Variants in STK24 observed in about 807,000 individuals in gnomAD.
STK24 encodes the protein serine/threonine kinase 24.
In STK24, 21 loss-of-function variants were observed where a neutral mutation model predicts 55.6. The observed-to-expected ratio is 0.38, with a 90% CI of 0.27 to 0.54. The LOEUF (loss-of-function observed/expected upper bound fraction) is 0.54, where lower values mean the gene tolerates loss of function less well. STK24 is among the 20% of genes least tolerant of loss of function. STK24 has a pLI of 0.79. For missense variants in STK24, 383 were observed against 538.4 expected (o/e 0.71, Z 2.86); for synonymous variants, 200 against 215.2 (o/e 0.93, Z 0.62).
At chr13:98,556,777 C>T (rs1164959609) in intron 1 of STK24, among the ~76,000 whole-genome samples, 7 of 152,182 alleles carry the variant, frequency 4.6e-5, no homozygotes, top group Admixed American at 3.3e-4. Context: ...TTAAATTCTG[C>T]TATGCAACTC....
chr13:98,476,362 T>C (rs1226274953), intron 3 of STK24, among the ~76,000 whole-genome samples: 2 of 151,826 alleles, frequency 1.3e-5, no homozygotes, highest in Non-Finnish European at 2.9e-5. Context: ...AGGGCAGATG[T>C]CTAATCGATG....
chr13:98,483,589 G>A (rs764453182), intron 2 of STK24, among the ~76,000 whole-genome samples: 1 of 152,050 alleles, frequency 6.6e-6, no homozygotes, highest in Non-Finnish European at 1.5e-5. Context: ...TGGAGGTTCC[G>A]CAAGTCAGGA....
chr13:98,526,144 GCT>G (rs1164955620), intron 1 of STK24, among the ~76,000 whole-genome samples: 1 of 152,180 alleles, frequency 6.6e-6, no homozygotes, highest in African/African-American at 2.4e-5. Context: ...GTCCGTCTTT[GCT>G]TTTTCTGGTT....
chr13:98,463,670 G>A, intron 7 of STK24, 21 bp downstream of exon 7: 1 of 1,610,410 alleles, frequency 6.2e-7, no homozygotes, highest in African/African-American at 1.3e-5. Flanking sequence ...ACATGCTTGG[G>A]TCACTCAGGG....
chr13:98,533,244 A>G (rs1033550667), intron 1 of STK24, among the ~76,000 whole-genome samples: 15 of 152,168 alleles, frequency 9.9e-5, no homozygotes, highest in Admixed American at 2.0e-4. Context: ...CCAGGCTACC[A>G]GCTACTCAGG....
At chr13:98,471,945 A>G (rs1894167523) in intron 5 of STK24, among the ~76,000 whole-genome samples, 1 of 152,212 alleles carries the variant, frequency 6.6e-6, no homozygotes, top group Non-Finnish European at 1.5e-5. Flanking sequence ...AGGAGGGGAA[A>G]TGTCTACAAG....
intron 2 of STK24, 43 bp from the exon 3 acceptor site, chr13:98,482,364 C>T (rs774385573): frequency 6.7e-5 from 86 of 1,285,674 alleles, no homozygotes; most frequent in Non-Finnish European, 9.2e-5. Flanking sequence ...CAAAATGAAT[C>T]CAGGAAAATT....
At chr13:98,497,148 C>T (rs1472611411) in intron 2 of STK24, among the ~76,000 whole-genome samples, 1 of 152,148 alleles carries the variant, frequency 6.6e-6, no homozygotes, top group Non-Finnish European at 1.5e-5. Flanking sequence ...CACCTCCCTG[C>T]CCGCGGCACA....
chr13:98,540,089 G>A (rs922882401), intron 1 of STK24, among the ~76,000 whole-genome samples: 2 of 152,196 alleles, frequency 1.3e-5, no homozygotes, highest in African/African-American at 4.8e-5. Context: ...AGAACGTCAT[G>A]CTAAGCAAAA....
intron 2 of STK24, among the ~76,000 whole-genome samples, chr13:98,490,573 A>C (rs1023677845): frequency 6.6e-6 from 1 of 152,176 alleles, no homozygotes. Context: ...TACAATACTA[A>C]GTTGGACTAA....
intron 3 of STK24, among the ~76,000 whole-genome samples, chr13:98,476,241 C>CA (rs200424858): frequency 0.11 from 4,853 of 44,100 alleles, 267 homozygotes; most frequent in African/African-American, 0.19. Context: ...AGACGGGAAG[C>CA]CCCCCCCCGC....
intron 1 of STK24, among the ~76,000 whole-genome samples, chr13:98,526,171 G>T (rs1002600496): frequency 6.6e-6 from 1 of 152,170 alleles, no homozygotes; most frequent in African/African-American, 2.4e-5. Flanking sequence ...AACAATTTTT[G>T]TCCTGTTTTC....
chr13:98,551,449 CT>C (rs56822014), intron 1 of STK24, among the ~76,000 whole-genome samples: 100 of 146,002 alleles, frequency 6.8e-4, no homozygotes, highest in East Asian at 5.9e-4. Flanking sequence ...CATACTTTCT[CT>C]TTTTTTTTTT....
intron 5 of STK24, 126 bp from the exon 6 acceptor site, chr13:98,466,687 A>T: frequency 2.9e-6 from 3 of 1,048,268 alleles, no homozygotes; most frequent in East Asian, 5.2e-5. Context: ...TTTAACTGAT[A>T]TTTAAAAACA....
intron 2 of STK24, among the ~76,000 whole-genome samples, chr13:98,499,692 T>C (rs1310648669): frequency 6.6e-6 from 1 of 152,096 alleles, no homozygotes; most frequent in Non-Finnish European, 1.5e-5. Flanking sequence ...CAGTGATCAG[T>C]AGCCGAGGTA....
chr13:98,521,852 T>C, intron 1 of STK24: 1 of 804,036 alleles, frequency 1.2e-6, no homozygotes, highest in Non-Finnish European at 2.3e-6. Context: ...CTGGAGTCCA[T>C]CCTTCTCTCC....
At chr13:98,546,895 ATTG>A (rs1897041069) in intron 1 of STK24, among the ~76,000 whole-genome samples, 1 of 63,624 alleles carries the variant, frequency 1.6e-5, no homozygotes, top group Non-Finnish European at 3.9e-5. Flanking sequence ...TCCATATCTA[ATTG>A]TTGTTTTTTT....
chr13:98,575,406 T>TATAC (rs765968352), intron 1 of STK24, among the ~76,000 whole-genome samples: 3 of 148,430 alleles, frequency 2.0e-5, no homozygotes, highest in African/African-American at 7.5e-5. Context: ...TGCTTATATA[T>TATAC]ACACACACAC....
chr13:98,566,812 ATT>A (rs1288222403), intron 1 of STK24, among the ~76,000 whole-genome samples: 5 of 152,178 alleles, frequency 3.3e-5, no homozygotes, highest in Non-Finnish European at 5.9e-5. Context: ...TTCTGTGTGA[ATT>A]ACCTCTCAAG....
Sources: gnomAD v4.1 joint callset for allele counts (sites outside exome capture counted in the v4.1 genomes callset) on GRCh38, gnomAD v4.1.1 for gene constraint, MANE v1.5 for transcripts, NCBI Gene and HGNC (gene_info 2026-07-23, HGNC 2026-07-21) for gene names.